Variants in FREM2 observed in about 807,000 individuals in gnomAD.
The protein encoded by FREM2 is FRAS1-related extracellular matrix protein 2.
A neutral mutation model predicts 219.9 loss-of-function variants in FREM2; 119 were observed. The ratio of observed to expected loss-of-function variants is 0.54; its 90% CI spans 0.47 to 0.63. The LOEUF is 0.63. Among genes scored for constraint, FREM2 ranks in the 30% least tolerant of loss-of-function variants. The pLI is 0.00. For synonymous variants in FREM2, 1,562 were observed against 1,522.8 expected, an observed-to-expected ratio of 1.03 and a Z score of -0.60; for missense variants, 4,030 against 3,993.6, an observed-to-expected ratio of 1.01 and a Z score of -0.25.
At chr13:38,761,723 G>A (rs1012770740) in intron 2 of FREM2, among the ~76,000 whole-genome samples, 3 of 152,148 alleles carry the variant, frequency 2.0e-5, no homozygotes, top group Non-Finnish European at 4.4e-5. Context: ...GCTTCACACA[G>A]GAGGGGGATA....
chr13:38,750,847 C>T (rs929747069), intron 2 of FREM2, among the ~76,000 whole-genome samples: 1 of 152,132 alleles, frequency 6.6e-6, no homozygotes, highest in Non-Finnish European at 1.5e-5. Flanking sequence ...CACCCACCAC[C>T]ACACCCAACT....
chr13:38,752,599 A>T (rs190011420), intron 2 of FREM2, among the ~76,000 whole-genome samples: 2 of 152,312 alleles, frequency 1.3e-5, no homozygotes, highest in East Asian at 3.9e-4. Context: ...AATGGAAACA[A>T]GTCAGATTAA....
intron 6 of FREM2, among the ~76,000 whole-genome samples, chr13:38,825,434 TA>T (rs5802957): frequency 0.066 from 9,937 of 151,394 alleles, 1,003 homozygotes; most frequent in African/African-American, 0.21. Context: ...CCTTATTTAT[TA>T]AAAAAAAACC....
At chr13:38,803,679 G>C (rs1460956322) in intron 6 of FREM2, among the ~76,000 whole-genome samples, 1 of 150,700 alleles carries the variant, frequency 6.6e-6, no homozygotes, top group Non-Finnish European at 1.5e-5. Context: ...CTCTGCCTTT[G>C]TGTGACAACC....
At chr13:38,695,920 A>C (rs1870090749) in intron 1 of FREM2, among the ~76,000 whole-genome samples, 2 of 152,212 alleles carry the variant, frequency 1.3e-5, no homozygotes, top group Non-Finnish European at 2.9e-5. Flanking sequence ...GATAGGAAAA[A>C]AAAATCCCAG....
intron 2 of FREM2, among the ~76,000 whole-genome samples, chr13:38,735,788 AC>A (rs1415367942): frequency 6.6e-6 from 1 of 152,186 alleles, no homozygotes; most frequent in Non-Finnish European, 1.5e-5. Context: ...AGTCAGGAGT[AC>A]CTGCAAGATT....
At chr13:38,802,163 G>A (rs35035095) in intron 6 of FREM2, among the ~76,000 whole-genome samples, 65,078 of 152,040 alleles carry the variant, frequency 0.43, 14,859 homozygotes, top group Non-Finnish European at 0.51. Flanking sequence ...TTTGATAAGC[G>A]AGGTGGGGTT....
chr13:38,829,833 A>T (rs1876437996), intron 6 of FREM2, among the ~76,000 whole-genome samples: 1 of 152,044 alleles, frequency 6.6e-6, no homozygotes, highest in Admixed American at 6.6e-5. Context: ...AATTTATTTT[A>T]CCCACATCAC....
intron 6 of FREM2, among the ~76,000 whole-genome samples, chr13:38,818,295 A>G (rs1385267520): frequency 6.6e-6 from 1 of 152,170 alleles, no homozygotes; most frequent in Non-Finnish European, 1.5e-5. Flanking sequence ...GTATTCAACA[A>G]TGGATGAATA....
intron 6 of FREM2, among the ~76,000 whole-genome samples, chr13:38,840,566 G>T (rs1394126034): frequency 3.4e-5 from 5 of 149,148 alleles, no homozygotes; most frequent in Admixed American, 3.3e-4. Flanking sequence ...AGAGTGTAAG[G>T]TATAGAATCA....
chr13:38,711,653 A>T lies in FREM2; in HGVS notation c.5263+13866A>T, dbSNP rs1312005810. Among the ~76,000 whole-genome samples the T allele has an allele frequency of 2.0e-5, 3 of 152,220 alleles. No individual in the cohort carries two copies. The East Asian group carries it at 5.8e-4, about 29-fold the overall frequency. On this transcript the variant is annotated intron_variant, in intron 2 of 23. Transcript: ENST00000280481. The stretch of plus-strand genomic sequence containing the variant: ...TCCTAAAGTTTTAATGTCTTTGATC[A>T]TATCATAAGTGTATTATATTCATGC...
intron 3 of FREM2, 82 bp downstream of exon 3, chr13:38,764,532 TTTAG>T: frequency 1.2e-6 from 1 of 824,844 alleles, no homozygotes; most frequent in Non-Finnish European, 1.9e-6. Flanking sequence ...AAAGTATCAG[TTTAG>T]TTCACTTAGA....
intron 2 of FREM2, among the ~76,000 whole-genome samples, chr13:38,759,406 G>A (rs187726628): frequency 7.4e-5 from 11 of 149,092 alleles, no homozygotes; most frequent in Admixed American, 7.4e-4. Flanking sequence ...GCAGCCCTGA[G>A]CTTTTAGGGA....
rs769142295 is a variant in FREM2 at position 38,878,300 on chromosome 13, C to T, written c.8838C>T (p.Leu2946=). The T allele has an allele frequency of 1.8e-5, 29 of 1,613,018 alleles. No individual in the cohort carries two copies. In the East Asian group the frequency reaches 4.2e-4, roughly 24 times the overall value. Residue 2946 remains leucine (L), a synonymous_variant, in exon 22 of 24, where the codon CTC becomes CTT. Coordinates refer to ENST00000280481, the MANE Select transcript of FREM2 (RefSeq NM_207361.6). ...EYGCLADSPS[L]LYRFKIVDKA... is the part of the protein sequence containing the mutation. ...GCTGCTTAGCCGACTCTCCTTCACT[C>T]TTATATAGATTTAAAATTGTGGTAA...
rs529584224 is a variant in FREM2 at position 38,715,867 on chromosome 13, T to C, written c.5263+18080T>C. ...ACCTTTTTTTGTGAAAGGAAATTAA[T>C]TTAACCTTAGTCTAAGCTTAAATTA... On this transcript the variant is annotated intron_variant, in intron 2 of 23. Coordinates refer to ENST00000280481, the MANE Select transcript of FREM2 (RefSeq NM_207361.6). Among the ~76,000 whole-genome samples the C allele has an allele frequency of 2.6e-5, 4 of 151,618 alleles. No homozygotes were observed. In the East Asian group the frequency reaches 7.8e-4, roughly 30 times the overall value.
At chr13:38,759,845 GT>G (rs1873159894) in intron 2 of FREM2, among the ~76,000 whole-genome samples, 1 of 152,148 alleles carries the variant, frequency 6.6e-6, no homozygotes, top group African/African-American at 2.4e-5. Context: ...ATGAATTGAG[GT>G]TTTAGAGGAG....
Position 38,856,306 on chromosome 13 carries a change from G to A in FREM2, c.7056+50G>A, listed in dbSNP as rs9548510. ...ATTCATGGCTAGCAGTTTGTCAGAG[G>A]AAATGCATAAAAGCAATCACATAGT... On this transcript the variant is annotated intron_variant, in intron 12 of 23. Transcript: ENST00000280481. 292,234 of 1,559,714 alleles carry A rather than the reference G, an allele frequency of 0.19. 33,160 individuals are homozygous for A. Among genetic ancestry groups the A allele is most frequent in the African/African-American group, 0.49 (35,990 of 73,692 alleles).
At chr13:38,818,358 A>G (rs1461124530) in intron 6 of FREM2, among the ~76,000 whole-genome samples, 1 of 152,144 alleles carries the variant, frequency 6.6e-6, no homozygotes, top group Non-Finnish European at 1.5e-5. Flanking sequence ...GTCATAAAAC[A>G]TAATGAAATC....
chr13:38,704,747 A>C (rs1436722443), intron 2 of FREM2, among the ~76,000 whole-genome samples: 2 of 152,210 alleles, frequency 1.3e-5, no homozygotes, highest in African/African-American at 4.8e-5. Context: ...TAATTTGTGA[A>C]GAAAAGGTTT....
Sources: gnomAD v4.1 joint callset for allele counts (sites outside exome capture counted in the v4.1 genomes callset) on GRCh38, gnomAD v4.1.1 for gene constraint, MANE v1.5 for transcripts, NCBI Gene and HGNC (gene_info 2026-07-23, HGNC 2026-07-21) for gene names.